Variants in PHACTR1 observed in about 807,000 individuals in gnomAD.
PHACTR1 encodes the protein phosphatase and actin regulator 1.
In PHACTR1, 16 loss-of-function variants were observed where a neutral mutation model predicts 69.2. The ratio of observed to expected loss-of-function variants is 0.23; its 90% CI spans 0.16 to 0.35. PHACTR1 has a LOEUF of 0.35. Among genes scored for constraint, PHACTR1 ranks in the 10% least tolerant of loss-of-function variants. The pLI, the probability that PHACTR1 is intolerant of heterozygous loss-of-function variation, is 1.00. For missense variants in PHACTR1, 510 were observed against 734.7 expected, an observed-to-expected ratio of 0.69 and a Z score of 3.54; for synonymous variants, 312 against 284.5, an observed-to-expected ratio of 1.10 and a Z score of -0.97.
intron 4 of PHACTR1, among the ~76,000 whole-genome samples, chr6:12,790,665 T>C (rs1772157424): frequency 1.3e-5 from 2 of 152,180 alleles, no homozygotes; most frequent in Admixed American, 6.5e-5. Context: ...GGCCAATTTA[T>C]GGAAAAGAGG....
At chr6:12,972,691 AC>A (rs1307116369) in intron 4 of PHACTR1, among the ~76,000 whole-genome samples, 6 of 144,132 alleles carry the variant, frequency 4.2e-5, no homozygotes, top group Non-Finnish European at 9.0e-5. Flanking sequence ...TCACTCTGTC[AC>A]TCAGGCTGGA....
At chr6:13,253,378 A>G (rs544010592) in intron 10 of PHACTR1, among the ~76,000 whole-genome samples, 5 of 152,300 alleles carry the variant, frequency 3.3e-5, no homozygotes, top group African/African-American at 1.2e-4. Flanking sequence ...CAGGCATTGG[A>G]GAAATCTAGA....
chr6:12,722,203 T>C (rs1221833649), intron 3 of PHACTR1, among the ~76,000 whole-genome samples: 2 of 152,220 alleles, frequency 1.3e-5, no homozygotes, highest in Non-Finnish European at 2.9e-5. Flanking sequence ...GTGTGATTAT[T>C]GCATTTTTGA....
At chr6:12,944,929 C>T (rs1307588889) in intron 4 of PHACTR1, among the ~76,000 whole-genome samples, 1 of 151,910 alleles carries the variant, frequency 6.6e-6, no homozygotes, top group Non-Finnish European at 1.5e-5. Context: ...ACTACAGACA[C>T]CCGCCACCAC....
intron 4 of PHACTR1, among the ~76,000 whole-genome samples, chr6:12,972,674 C>G (rs1488251380): frequency 1.5e-5 from 2 of 135,896 alleles, no homozygotes; most frequent in Non-Finnish European, 3.1e-5. Context: ...TTTTTTGAGA[C>G]AGAGTCTCAC....
At chr6:12,799,461 G>T (rs138486765) in intron 4 of PHACTR1, among the ~76,000 whole-genome samples, 1 of 152,020 alleles carries the variant, frequency 6.6e-6, no homozygotes. Flanking sequence ...GAACTATATT[G>T]TCTTCCTGCT....
chr6:13,191,032 C>T (rs111385021), intron 7 of PHACTR1, among the ~76,000 whole-genome samples: 6,471 of 152,108 alleles, frequency 0.043, 247 homozygotes, highest in African/African-American at 0.12. Flanking sequence ...CATGCTGCTG[C>T]GTAATTTCAT....
At chr6:13,230,608 G>T (rs1171320880) in intron 10 of PHACTR1, among the ~76,000 whole-genome samples, 1 of 149,796 alleles carries the variant, frequency 6.7e-6, no homozygotes, top group Admixed American at 6.6e-5. Flanking sequence ...CTCCAAGGTT[G>T]TTTCTATAGT....
intron 5 of PHACTR1, among the ~76,000 whole-genome samples, chr6:13,115,507 T>A (rs1029090573): frequency 6.6e-6 from 1 of 152,122 alleles, no homozygotes; most frequent in African/African-American, 2.4e-5. Context: ...TTACTTAGCA[T>A]TGGCCTGAAA....
At chr6:12,987,264 A>T (rs571469103) in intron 4 of PHACTR1, among the ~76,000 whole-genome samples, 2 of 152,284 alleles carry the variant, frequency 1.3e-5, no homozygotes, top group East Asian at 3.9e-4. Flanking sequence ...ACACTTAGAG[A>T]ACAGCTCAAA....
intron 8 of PHACTR1, 34 bp downstream of exon 8, chr6:13,206,170 A>C (rs1375089955): frequency 6.6e-7 from 1 of 1,511,300 alleles, no homozygotes; most frequent in Non-Finnish European, 8.9e-7. Context: ...GGACGGGAGG[A>C]GAGGGGTTGG....
intron 4 of PHACTR1, among the ~76,000 whole-genome samples, chr6:12,798,789 A>G (rs974300076): frequency 2.0e-5 from 3 of 152,248 alleles, no homozygotes; most frequent in African/African-American, 7.2e-5. Flanking sequence ...CATAATCAAG[A>G]TGCATACCAT....
At chr6:12,906,979 TAA>T (rs2127490312) in intron 4 of PHACTR1, among the ~76,000 whole-genome samples, 1 of 152,324 alleles carries the variant, frequency 6.6e-6, no homozygotes, top group East Asian at 1.9e-4. Context: ...TTGAGGCAGA[TAA>T]ACTAAGAGTT....
intron 3 of PHACTR1, among the ~76,000 whole-genome samples, chr6:12,719,725 C>A (rs1356923426): frequency 6.6e-6 from 1 of 152,182 alleles, no homozygotes; most frequent in African/African-American, 2.4e-5. Flanking sequence ...GCATCTTTCA[C>A]TTTAGATGGT....
intron 5 of PHACTR1, among the ~76,000 whole-genome samples, chr6:13,150,447 A>C (rs973384922): frequency 1.3e-5 from 2 of 152,178 alleles, no homozygotes; most frequent in African/African-American, 2.4e-5. Flanking sequence ...CCTAGTAATA[A>C]CTGGGTTACT....
chr6:13,059,875 T>C (rs1412769557), intron 5 of PHACTR1, among the ~76,000 whole-genome samples: 1 of 152,122 alleles, frequency 6.6e-6, no homozygotes, highest in East Asian at 1.9e-4. Flanking sequence ...GCTGGCTATG[T>C]AAATTTCAGG....
intron 4 of PHACTR1, among the ~76,000 whole-genome samples, chr6:12,813,983 A>G (rs942947028): frequency 6.6e-6 from 1 of 152,228 alleles, no homozygotes; most frequent in African/African-American, 2.4e-5. Flanking sequence ...GCATCAGTTC[A>G]GTGGATGCCC....
In PHACTR1 at chr6:13,245,690, G is replaced by A. The variant is rs192759751; in HGVS notation, c.1391+15497G>A. Among the ~76,000 whole-genome samples the A allele has an allele frequency of 1.4e-4, 21 of 151,024 alleles. No individual in the cohort carries two copies. The highest frequency in any genetic ancestry group is 2.9e-4 in the African/African-American group (12 of 41,160). ...GTGCCATTTGTCAATTTTTTTTTTC[G>A]TTGCAATTGCTTTTGGCATCTTCAT... On this transcript the variant is annotated intron_variant, in intron 10 of 14. Coordinates refer to ENST00000332995, the MANE Select transcript of PHACTR1 (RefSeq NM_030948.6). The surrounding 1 kb of genome is among the most constrained non-coding windows in gnomAD (Gnocchi z 4.1).
At chr6:12,755,926 A>G (rs1767263305) in intron 4 of PHACTR1, among the ~76,000 whole-genome samples, 1 of 152,220 alleles carries the variant, frequency 6.6e-6, no homozygotes, top group Non-Finnish European at 1.5e-5. Flanking sequence ...TCACAGAAAG[A>G]AGGATCCTAA....
Sources: gnomAD v4.1 joint callset for allele counts (sites outside exome capture counted in the v4.1 genomes callset) on GRCh38, gnomAD v4.1.1 for gene constraint, Gnocchi (gnomAD v3.1) non-coding constraint, MANE v1.5 for transcripts, NCBI Gene and HGNC (gene_info 2026-07-23, HGNC 2026-07-21) for gene names.